The following PARN variants were observed in gnomAD, a reference collection of about 807,000 sequenced individuals.
PARN encodes the protein poly(A)-specific ribonuclease.
A neutral mutation model predicts 102.8 loss-of-function variants in PARN; 71 were observed. That is an observed-to-expected ratio of 0.69 (90% CI 0.57 to 0.84). The LOEUF is 0.84. PARN is among the 40% of genes least tolerant of loss of function. The pLI, the probability that PARN is intolerant of heterozygous loss-of-function variation, is 0.00. For synonymous variants in PARN, 261 were observed against 252.9 expected (o/e 1.03, Z -0.30); for missense variants, 782 against 760.9 (o/e 1.03, Z -0.33).
At chr16:14,512,395 AG>A (rs1965237452) in intron 21 of PARN, among the ~76,000 whole-genome samples, 1 of 152,064 alleles carries the variant, frequency 6.6e-6, no homozygotes, top group Non-Finnish European at 1.5e-5. Context: ...CCCGAGGCTG[AG>A]GCACGAGAAT....
chr16:14,455,039 A>T (rs544319288), intron 22 of PARN, among the ~76,000 whole-genome samples: 1 of 152,366 alleles, frequency 6.6e-6, no homozygotes, highest in South Asian at 2.1e-4. Context: ...ACACAGTAGC[A>T]CCAAATGAAT....
chr16:14,574,199 G>A (rs1169384286), intron 18 of PARN, among the ~76,000 whole-genome samples: 1 of 152,182 alleles, frequency 6.6e-6, no homozygotes, highest in Non-Finnish European at 1.5e-5. Flanking sequence ...GAGCAAAGGT[G>A]ACCCTTGTTA....
chr16:14,548,979 A>AGGGGAAGGGAGAGG (rs1384416276), intron 21 of PARN, among the ~76,000 whole-genome samples: 3 of 60,902 alleles, frequency 4.9e-5, no homozygotes, highest in African/African-American at 1.9e-4. Context: ...AGGGAAGAAG[A>AGGGGAAGGGAGAGG]GGGGAAGGGA....
Position 14,567,087 on chromosome 16 carries a change from T to A in PARN, c.1263-11378A>T, listed in dbSNP as rs554298531. Among the ~76,000 whole-genome samples, 5 of 152,298 alleles carry A rather than the reference T, an allele frequency of 3.3e-5. No individual in the cohort carries two copies. The East Asian group carries it at 9.6e-4, about 29-fold the overall frequency. On this transcript the variant is annotated intron_variant, in intron 18 of 23. Coordinates refer to ENST00000437198, the MANE Select transcript of PARN (RefSeq NM_002582.4). Reference sequence around the variant, plus strand: ...TGAGTGCATTAAACTTTGAGGGTAATCAAACCAAGCCAATTCATGGAGATT... The same window carrying A: ...TGAGTGCATTAAACTTTGAGGGTAAACAAACCAAGCCAATTCATGGAGATT...
At chr16:14,497,659 A>G (rs1047555547) in intron 21 of PARN, among the ~76,000 whole-genome samples, 2 of 152,208 alleles carry the variant, frequency 1.3e-5, no homozygotes, top group African/African-American at 2.4e-5. Flanking sequence ...ACAGAGCAGC[A>G]CATATTTTAA....
intron 22 of PARN, among the ~76,000 whole-genome samples, chr16:14,456,648 G>A (rs1463327415): frequency 1.3e-5 from 2 of 152,050 alleles, no homozygotes; most frequent in African/African-American, 4.8e-5. Flanking sequence ...CCATTTTGCA[G>A]ACAAGAAACC....
chr16:14,533,978 T>C (rs765254255), intron 21 of PARN, among the ~76,000 whole-genome samples: 5 of 152,196 alleles, frequency 3.3e-5, no homozygotes, highest in Non-Finnish European at 5.9e-5. Flanking sequence ...TCCCAGCACT[T>C]TGGGAGGCTG....
At chr16:14,548,275 G>A (rs1967085735) in intron 21 of PARN, among the ~76,000 whole-genome samples, 1 of 150,836 alleles carries the variant, frequency 6.6e-6, no homozygotes, top group African/African-American at 2.4e-5. Context: ...AATAGGATTT[G>A]CAGCACATCA....
At chr16:14,440,310 T>C (rs1227767473) in intron 23 of PARN, among the ~76,000 whole-genome samples, 2 of 152,084 alleles carry the variant, frequency 1.3e-5, no homozygotes, top group Non-Finnish European at 2.9e-5. Context: ...ACATACCCAT[T>C]AGAACTGCTG....
At chr16:14,509,623 C>CGT (rs1965079802) in intron 21 of PARN, among the ~76,000 whole-genome samples, 1 of 152,128 alleles carries the variant, frequency 6.6e-6, no homozygotes, top group Non-Finnish European at 1.5e-5. Context: ...AAAGTCTACC[C>CGT]ACCAATATTA....
At chr16:14,476,158 A>G (rs1963038301) in intron 22 of PARN, among the ~76,000 whole-genome samples, 1 of 152,252 alleles carries the variant, frequency 6.6e-6, no homozygotes, top group African/African-American at 2.4e-5. Flanking sequence ...AACCAGATAT[A>G]TAATTAAAAA....
At chr16:14,582,964 A>G (rs1388899291) in intron 16 of PARN, among the ~76,000 whole-genome samples, 1 of 152,206 alleles carries the variant, frequency 6.6e-6, no homozygotes, top group Non-Finnish European at 1.5e-5. Context: ...GAAGACTGCA[A>G]TTCACTATCA....
chr16:14,555,959 C>G (rs963291127), intron 18 of PARN, among the ~76,000 whole-genome samples: 6 of 151,344 alleles, frequency 4.0e-5, no homozygotes, highest in Non-Finnish European at 1.5e-5. Flanking sequence ...TCTACCTCCC[C>G]AGTTAAGTGG....
intron 22 of PARN, among the ~76,000 whole-genome samples, chr16:14,477,905 T>C (rs1451090859): frequency 6.6e-6 from 1 of 152,112 alleles, no homozygotes; most frequent in Non-Finnish European, 1.5e-5. Flanking sequence ...TTTAACACAA[T>C]ATCAGCAACC....
chr16:14,553,989 C>A, intron 20 of PARN, 76 bp downstream of exon 20: 1 of 888,652 alleles, frequency 1.1e-6, no homozygotes, highest in South Asian at 1.5e-5. Flanking sequence ...CAGGCCAAAA[C>A]TATCTTTCTA....
intron 10 of PARN, among the ~76,000 whole-genome samples, chr16:14,606,114 C>T (rs1286646685): frequency 6.6e-6 from 1 of 152,090 alleles, no homozygotes; most frequent in Admixed American, 6.6e-5. Context: ...TTTCAGCACA[C>T]TAAGGATTGA....
intron 21 of PARN, among the ~76,000 whole-genome samples, chr16:14,536,447 T>C (rs2151679780): frequency 6.6e-6 from 1 of 152,336 alleles, no homozygotes; most frequent in South Asian, 2.1e-4. Context: ...GGCAGATTAA[T>C]TTCACTGCTT....
Position 14,482,813 on chromosome 16 carries a change from T to A in PARN, c.1495A>T (p.Lys499Ter). ...TGGATCCGATAGCTTTCTGCATATT[T>A]GCTGGTATTGACAGCTACAAGGAAA... Reference protein sequence around the residue: ...EQVKIAVNTSKYAESYRIQTY... With the variant: ...EQVKIAVNTS Residue 499 changes from lysine (K) to a stop codon, truncating the protein, a stop_gained, in exon 22 of 24, where the codon AAA becomes TAA. Coordinates refer to ENST00000437198, the MANE Select transcript of PARN (RefSeq NM_002582.4). LOFTEE classifies it high-confidence loss of function. The A allele has an allele frequency of 6.2e-7, 1 of 1,610,406 alleles. No individual in the cohort carries two copies. Among genetic ancestry groups the A allele is most frequent in the Non-Finnish European group, 8.5e-7 (1 of 1,178,862 alleles).
At chr16:14,467,056 C>T (rs1962405778) in intron 22 of PARN, among the ~76,000 whole-genome samples, 1 of 152,202 alleles carries the variant, frequency 6.6e-6, no homozygotes, top group Admixed American at 6.5e-5. Context: ...GATGCCCCTG[C>T]AGGCAAATGA....
Sources: allele counts gnomAD v4.1 joint callset (sites outside exome capture counted in the v4.1 genomes callset), GRCh38; gene constraint gnomAD v4.1.1; transcripts MANE v1.5; gene names NCBI Gene and HGNC (gene_info 2026-07-23, HGNC 2026-07-21).